The following RALB variants were observed in gnomAD, a reference collection of about 807,000 sequenced individuals.
The protein encoded by RALB is RAS like proto-oncogene B.
RALB carries 16 observed loss-of-function variants against 21.3 expected under a neutral mutation model. The observed-to-expected ratio is 0.75, with a 90% CI of 0.51 to 1.14. RALB has a LOEUF of 1.14. Ranked by LOEUF, RALB falls within the 50% of genes most tolerant of loss-of-function variation. The pLI, the probability that RALB is intolerant of heterozygous loss-of-function variation, is 0.00. For missense variants in RALB, 161 were observed against 256.2 expected (o/e 0.63, Z 2.54); for synonymous variants, 93 against 96.1 (o/e 0.97, Z 0.19).
At chr2:120,250,700 G>C (rs530138285), upstream of RALB, among the ~76,000 whole-genome samples, 24 of 152,330 alleles carry the variant, frequency 1.6e-4, no homozygotes, top group East Asian at 4.6e-3. Context: ...CTGGGAGTCA[G>C]AGTTCTGGTA....
rs1006032975 is a variant in RALB at position 120,276,477 on chromosome 2, C to G, written c.-47-2141C>G. The stretch of plus-strand genomic sequence containing the variant: ...AATTAACTAGGCAGGGTGGTGCGTG[C>G]CTGTATTCCCAGCTACTCAGGAGGC... On this transcript the variant is annotated intron_variant, in intron 1 of 4. Coordinates refer to ENST00000272519, the MANE Select transcript of RALB (RefSeq NM_002881.3). 2.0e-5 allele frequency among the ~76,000 whole-genome samples: 3 copies of G among 152,176 alleles called. No homozygotes were observed. In the South Asian group the frequency reaches 6.2e-4, roughly 32 times the overall value.
chr2:120,286,675 C>T lies in RALB; in HGVS notation c.323+593C>T, dbSNP rs778819896. ...GATTTTGTTTCTTTCTCTGGAAATG[C>T]ACTTGTGAGTTGAGAAATGAAATGA... On this transcript the variant is annotated intron_variant, in intron 3 of 4. Transcript: ENST00000272519. Among the ~76,000 whole-genome samples, 2 of 152,210 alleles carry T rather than the reference C, an allele frequency of 1.3e-5. 1 individual carries two copies. Among genetic ancestry groups the T allele is most frequent in the South Asian group, 4.1e-4 (2 of 4,834 alleles).
intron 2 of RALB, 52 bp from the exon 3 acceptor site, chr2:120,285,816 TGGCAGA>T: frequency 6.7e-7 from 1 of 1,494,080 alleles, no homozygotes; most frequent in South Asian, 1.1e-5. Flanking sequence ...TTTTGTTTTT[TGGCAGA>T]TTTTGTTCCC....
At chr2:120,243,559 G>T (rs1343328019) in intron 1 of RALB, among the ~76,000 whole-genome samples, 7 of 152,144 alleles carry the variant, frequency 4.6e-5, no homozygotes, top group Non-Finnish European at 1.0e-4. Context: ...ACCTGGGGAG[G>T]GAGTCCTTCT....
At chr2:120,240,107 A>G (rs1187692060) in exon 1 of RALB, 25 of 1,289,582 alleles carry the variant, frequency 1.9e-5, no homozygotes, top group Non-Finnish European at 2.4e-5. Flanking sequence ...AGGTCTCTGC[A>G]TGAAACAGCG....
intron 1 of RALB, among the ~76,000 whole-genome samples, chr2:120,272,809 A>G (rs187134159): frequency 9.2e-5 from 14 of 152,128 alleles, no homozygotes; most frequent in African/African-American, 7.2e-5. Flanking sequence ...TGATACAGAT[A>G]TGTCTTTCTG....
At chr2:120,280,861 A>G (rs1170362996) in intron 2 of RALB, 1 of 444,308 alleles carries the variant, frequency 2.3e-6, no homozygotes, top group Non-Finnish European at 4.5e-6. Flanking sequence ...TTGGCATATG[A>G]CAAGAAAAAG....
intron 1 of RALB, among the ~76,000 whole-genome samples, chr2:120,254,357 C>T (rs968972481): frequency 6.6e-6 from 1 of 152,228 alleles, no homozygotes; most frequent in African/African-American, 2.4e-5. Context: ...ATTCTGACCA[C>T]ATCTGGGGCT....
intron 1 of RALB, among the ~76,000 whole-genome samples, chr2:120,258,752 A>G (rs1003484873): frequency 4.6e-5 from 7 of 152,208 alleles, no homozygotes; most frequent in African/African-American, 1.7e-4. Context: ...GGGAGAGGCA[A>G]TGGGAGTCAA....
chr2:120,286,474 G>A (rs1269598779), intron 3 of RALB, among the ~76,000 whole-genome samples: 1 of 152,184 alleles, frequency 6.6e-6, no homozygotes, highest in East Asian at 1.9e-4. Flanking sequence ...AGTCTGTGTT[G>A]AAGGTTATGA....
intron 1 of RALB, among the ~76,000 whole-genome samples, chr2:120,240,916 A>G (rs1487857981): frequency 1.3e-5 from 2 of 152,062 alleles, no homozygotes; most frequent in Non-Finnish European, 2.9e-5. Context: ...AGACAGAGAG[A>G]GCTGGGTTTT....
At chr2:120,241,248 G>A (rs1028084111) in intron 1 of RALB, among the ~76,000 whole-genome samples, 2 of 152,192 alleles carry the variant, frequency 1.3e-5, no homozygotes, top group Non-Finnish European at 2.9e-5. Flanking sequence ...GAGCCACAAG[G>A]CCCAAGGTCC....
chr2:120,258,419 C>T (rs1689251216), intron 1 of RALB, among the ~76,000 whole-genome samples: 1 of 151,972 alleles, frequency 6.6e-6, no homozygotes, highest in African/African-American at 2.4e-5. Flanking sequence ...GTGGAGGAGT[C>T]CTAGGTAGGA....
At chr2:120,281,777 G>A (rs554086914) in intron 2 of RALB, among the ~76,000 whole-genome samples, 25 of 152,282 alleles carry the variant, frequency 1.6e-4, no homozygotes, top group Admixed American at 9.8e-4. Flanking sequence ...ATTTGCTTAC[G>A]AAAGCTTTTT....
chr2:120,246,233 C>T (rs758061635), intron 1 of RALB, among the ~76,000 whole-genome samples: 1 of 152,222 alleles, frequency 6.6e-6, no homozygotes, highest in Non-Finnish European at 1.5e-5. Flanking sequence ...GGTGAGGGGC[C>T]AGTCCCAGTC....
At chr2:120,265,779 T>C (rs997851721) in intron 1 of RALB, among the ~76,000 whole-genome samples, 1 of 15,680 alleles carries the variant, frequency 6.4e-5, no homozygotes, top group African/African-American at 4.8e-4. Flanking sequence ...GCTATAGAAG[T>C]AGAAGTAGAA....
At position 120,241,801 on chromosome 2, in the gene RALB, C is replaced by G. The variant is rs530899318; in HGVS notation, c.19+1676C>G. ...GTTGGAGGACATGGAGAAATTGGAA[C>G]CTTTGTGCACTGCGGGTGGGAATGC... On this transcript the variant is annotated intron_variant, in intron 1 of 3. Coordinates refer to the RALB transcript ENST00000447591. 2.7e-4 allele frequency among the ~76,000 whole-genome samples: 41 copies of G among 152,218 alleles called. 1 individual carries two copies. The South Asian group carries it at 8.1e-3, about 30-fold the overall frequency.
At chr2:120,286,153 G>A in intron 3 of RALB, 71 bp downstream of exon 3, 1 of 1,332,310 alleles carries the variant, frequency 7.5e-7, no homozygotes, top group Admixed American at 1.8e-5. Context: ...TTAGGCCTAT[G>A]AAGAATTTGG....
At chr2:120,287,236 A>G (rs1690187741) in intron 3 of RALB, among the ~76,000 whole-genome samples, 1 of 152,218 alleles carries the variant, frequency 6.6e-6, no homozygotes, top group South Asian at 2.1e-4. Flanking sequence ...GCCTCGGGTG[A>G]GCACAGGTCA....
Sources: gnomAD v4.1 joint callset for allele counts (sites outside exome capture counted in the v4.1 genomes callset) on GRCh38, gnomAD v4.1.1 for gene constraint, MANE v1.5 for transcripts, NCBI Gene and HGNC (gene_info 2026-07-23, HGNC 2026-07-21) for gene names.